ADCY9: variants seen among roughly 807,000 people sequenced by gnomAD.
The protein encoded by ADCY9 is adenylate cyclase 9, also known as adenylate cyclase type 9.
ADCY9 carries 50 observed loss-of-function variants against 101.5 expected under a neutral mutation model. The ratio of observed to expected loss-of-function variants is 0.49; its 90% CI spans 0.39 to 0.62. ADCY9 has a LOEUF of 0.62. Among genes scored for constraint, ADCY9 ranks in the 20% least tolerant of loss-of-function variants. ADCY9 has a pLI of 0.00. For missense variants in ADCY9, 1,662 were observed against 1,800.4 expected (o/e 0.92, Z 1.39); for synonymous variants, 905 against 769.3 (o/e 1.18, Z -2.92).
At chr16:4,014,337 A>AG (rs2056423671) in intron 2 of ADCY9, among the ~76,000 whole-genome samples, 21 of 151,144 alleles carry the variant, frequency 1.4e-4, no homozygotes, top group Admixed American at 1.3e-3. Flanking sequence ...AAAAAAAAAA[A>AG]AAAGAAGTCC....
At chr16:4,034,347 T>C (rs960276226) in intron 2 of ADCY9, among the ~76,000 whole-genome samples, 6 of 152,218 alleles carry the variant, frequency 3.9e-5, no homozygotes, top group African/African-American at 4.8e-5. Flanking sequence ...TGCCATATAA[T>C]GCTACTATCC....
chr16:4,065,797 G>A (rs1373943645), intron 2 of ADCY9, among the ~76,000 whole-genome samples: 3 of 152,188 alleles, frequency 2.0e-5, no homozygotes, highest in Non-Finnish European at 2.9e-5. Flanking sequence ...TCGAACTCCT[G>A]ACCTCAGGTG....
intron 2 of ADCY9, among the ~76,000 whole-genome samples, chr16:4,101,707 T>C (rs932570844): frequency 6.6e-6 from 1 of 152,166 alleles, no homozygotes; most frequent in Non-Finnish European, 1.5e-5. Context: ...CAATATTTAA[T>C]GAATAAACAA....
chr16:3,969,952 A>T (rs2056036778), intron 10 of ADCY9, among the ~76,000 whole-genome samples: 1 of 152,086 alleles, frequency 6.6e-6, no homozygotes, highest in South Asian at 2.1e-4. Context: ...ATAGACAAAA[A>T]AGATTTGTCC....
chr16:4,013,922 A>G (rs915341222), intron 2 of ADCY9, among the ~76,000 whole-genome samples: 3 of 152,224 alleles, frequency 2.0e-5, no homozygotes, highest in Admixed American at 1.3e-4. Flanking sequence ...TGCACCATAA[A>G]TAATCATAAG....
At chr16:3,974,625 T>A in intron 10 of ADCY9, 44 bp downstream of exon 10, 1 of 1,548,708 alleles carries the variant, frequency 6.5e-7, no homozygotes, top group Non-Finnish European at 8.9e-7. Context: ...GGTAATACAG[T>A]CACTCTCGTT....
rs1200578115 is a variant in ADCY9 at position 4,114,394 on chromosome 16, C to A, written c.1049G>T (p.Gly350Val). ...RIIADDLMKQ[G>V]DEESENSVKR... ...GACAGAATTCTCACTCTCCTCATCTCCCTGCTTCATTAAGTCATCGGCTAT... is the reference window on the plus strand; with the variant it reads ...GACAGAATTCTCACTCTCCTCATCTACCTGCTTCATTAAGTCATCGGCTAT... The change falls in exon 2 of 11, where the codon GGA becomes GTA. Residue 350 changes from glycine (G) to valine (V), a missense_variant. Around this residue, in one of 5 missense-constraint regions of ADCY9, gnomAD observed 228 missense variants for 301.1 expected, o/e 0.76. Coordinates refer to ENST00000294016, the MANE Select transcript of ADCY9 (RefSeq NM_001116.4). The surrounding 1 kb of genome is among the most constrained non-coding windows in gnomAD (Gnocchi z 4.3). 6.2e-7 allele frequency: 1 copy of A among 1,614,104 alleles called. No homozygotes were observed. Among genetic ancestry groups the A allele is most frequent in the Non-Finnish European group, 8.5e-7 (1 of 1,180,034 alleles).
chr16:4,072,632 TGAA>T (rs1263567193), intron 2 of ADCY9, among the ~76,000 whole-genome samples: 1 of 151,884 alleles, frequency 6.6e-6, no homozygotes, highest in Non-Finnish European at 1.5e-5. Flanking sequence ...AGAAAATGCT[TGAA>T]GAAGAAAGAA....
intron 2 of ADCY9, among the ~76,000 whole-genome samples, chr16:4,040,059 CAAGAG>C (rs909650052): frequency 2.9e-4 from 44 of 151,962 alleles, no homozygotes; most frequent in Non-Finnish European, 4.9e-4. Context: ...GAAAAGAAAA[CAAGAG>C]AAGAGAAGAG....
chr16:4,018,482 G>A (rs952707611), intron 2 of ADCY9, among the ~76,000 whole-genome samples: 1 of 152,160 alleles, frequency 6.6e-6, no homozygotes, highest in Non-Finnish European at 1.5e-5. Context: ...CAAAGTGCTG[G>A]AATTACAGGC....
intron 2 of ADCY9, among the ~76,000 whole-genome samples, chr16:4,078,990 A>G (rs2056885600): frequency 6.6e-6 from 1 of 152,222 alleles, no homozygotes; most frequent in Non-Finnish European, 1.5e-5. Flanking sequence ...TATAATTGAC[A>G]ATATTATATT....
At chr16:4,042,212 G>A (rs1010284817) in intron 2 of ADCY9, among the ~76,000 whole-genome samples, 6 of 151,864 alleles carry the variant, frequency 4.0e-5, no homozygotes, top group African/African-American at 1.5e-4. Flanking sequence ...CGTGAGCCAC[G>A]GCGCCCAGCT....
At chr16:4,000,998 CACACACACACAT>C (rs1450432344) in intron 3 of ADCY9, among the ~76,000 whole-genome samples, 4 of 150,568 alleles carry the variant, frequency 2.7e-5, no homozygotes, top group Non-Finnish European at 5.9e-5. Flanking sequence ...CACACACACA[CACACACACACAT>C]ATATAATTTC....
intron 2 of ADCY9, among the ~76,000 whole-genome samples, chr16:4,044,875 T>G (rs2056651909): frequency 6.6e-6 from 1 of 152,118 alleles, no homozygotes; most frequent in Non-Finnish European, 1.5e-5. Context: ...AAAATAAATC[T>G]TTCCCCAGAC....
chr16:4,037,420 C>G (rs1034935825), intron 2 of ADCY9, among the ~76,000 whole-genome samples: 2 of 152,122 alleles, frequency 1.3e-5, no homozygotes, highest in Admixed American at 6.6e-5. Context: ...TGGACAGTAT[C>G]CCACTGCATA....
intron 2 of ADCY9, among the ~76,000 whole-genome samples, chr16:4,084,479 A>G (rs1365773824): frequency 6.6e-6 from 1 of 151,976 alleles, no homozygotes; most frequent in Non-Finnish European, 1.5e-5. Context: ...TAATCTCAAC[A>G]CTCTGGGAGG....
chr16:4,104,018 G>C (rs552691260), intron 2 of ADCY9, among the ~76,000 whole-genome samples: 2 of 152,264 alleles, frequency 1.3e-5, no homozygotes, highest in South Asian at 4.1e-4. Flanking sequence ...GCAGCTGTTT[G>C]GATTGCAAGC....
At chr16:4,113,668 A>G in intron 2 of ADCY9, 82 bp downstream of exon 2, 2 of 1,513,436 alleles carry the variant, frequency 1.3e-6, no homozygotes, top group African/African-American at 1.4e-5. Context: ...GTCTGCAGAC[A>G]CTGAGGCTGG....
chr16:4,113,302 TAGAG>T (rs542612023), intron 2 of ADCY9, among the ~76,000 whole-genome samples: 127 of 152,226 alleles, frequency 8.3e-4, no homozygotes, highest in African/African-American at 2.9e-3. Context: ...AAGTGAGGCC[TAGAG>T]AGGAGAAAGA....
Sources: gnomAD v4.1 joint callset for allele counts (sites outside exome capture counted in the v4.1 genomes callset) on GRCh38, gnomAD v4.1.1 for gene constraint, gnomAD v4.1.1 regional missense constraint, Gnocchi (gnomAD v3.1) non-coding constraint, MANE v1.5 for transcripts, NCBI Gene and HGNC (gene_info 2026-07-23, HGNC 2026-07-21) for gene names.